The following SPON1 variants were observed in gnomAD, a reference collection of about 807,000 sequenced individuals.
The protein encoded by SPON1 is spondin 1.
Under a neutral mutation model 111.7 loss-of-function variants are expected in SPON1, and 52 were observed. The ratio of observed to expected loss-of-function variants is 0.47; its 90% CI spans 0.37 to 0.59. The LOEUF (loss-of-function observed/expected upper bound fraction) is 0.59. SPON1 is among the 20% of genes least tolerant of loss of function. SPON1 has a pLI of 0.00. For synonymous variants in SPON1, 410 were observed against 395.8 expected (o/e 1.04, Z -0.43); for missense variants, 957 against 1,068.5 (o/e 0.90, Z 1.46).
intron 1 of SPON1, among the ~76,000 whole-genome samples, chr11:13,967,741 T>C (rs576508187): frequency 6.6e-6 from 1 of 152,200 alleles, no homozygotes; most frequent in Non-Finnish European, 1.5e-5. Context: ...GATATTATAA[T>C]TAAGCCACCC....
intron 14 of SPON1, among the ~76,000 whole-genome samples, chr11:14,261,757 T>C (rs964916214): frequency 6.6e-6 from 1 of 152,026 alleles, no homozygotes; most frequent in Non-Finnish European, 1.5e-5. Context: ...TTAGAGTGCC[T>C]GGGGTCCACT....
chr11:14,195,635 T>C (rs1554934977), intron 6 of SPON1, among the ~76,000 whole-genome samples: 1 of 152,146 alleles, frequency 6.6e-6, no homozygotes, highest in Admixed American at 6.5e-5. Flanking sequence ...AAAAATAGTT[T>C]GCAGGTTTTA....
chr11:14,262,601 C>A (rs1554942001), intron 14 of SPON1, 111 bp from the exon 15 acceptor site: 6 of 1,384,574 alleles, frequency 4.3e-6, no homozygotes, highest in Non-Finnish European at 6.0e-6. Context: ...AATAGCATGA[C>A]ACAGCACCTG....
intron 6 of SPON1, among the ~76,000 whole-genome samples, chr11:14,204,739 C>T (rs782294346): frequency 2.6e-5 from 4 of 151,814 alleles, no homozygotes; most frequent in Non-Finnish European, 4.4e-5. Flanking sequence ...GGCTGCAGTG[C>T]AGTGGCGCAG....
chr11:14,262,687 C>G, intron 14 of SPON1, 25 bp from the exon 15 acceptor site: 2 of 1,613,744 alleles, frequency 1.2e-6, no homozygotes, highest in Non-Finnish European at 1.7e-6. Context: ...ATGTGATACA[C>G]TCATGCCCAT....
chr11:14,141,329 A>G (rs1243792845), intron 6 of SPON1, among the ~76,000 whole-genome samples: 2 of 152,214 alleles, frequency 1.3e-5, no homozygotes, highest in East Asian at 3.8e-4. Context: ...ATTTTCAGGT[A>G]TCCAGCTAAT....
At chr11:14,087,018 A>G (rs1224798862) in intron 5 of SPON1, among the ~76,000 whole-genome samples, 1 of 151,914 alleles carries the variant, frequency 6.6e-6, no homozygotes, top group Non-Finnish European at 1.5e-5. Context: ...TATTGTGTCT[A>G]TTTGATTCTT....
intron 6 of SPON1, among the ~76,000 whole-genome samples, chr11:14,229,916 C>A (rs7106953): frequency 0.52 from 79,053 of 150,768 alleles, 20,897 homozygotes; most frequent in East Asian, 0.65. Flanking sequence ...AGAGGCCAGC[C>A]TGTGTGTGTG....
intron 3 of SPON1, among the ~76,000 whole-genome samples, chr11:14,047,198 C>T (rs1848674954): frequency 6.6e-6 from 1 of 152,062 alleles, no homozygotes; most frequent in Non-Finnish European, 1.5e-5. Flanking sequence ...TATCTAGCAC[C>T]TCTAGTACAG....
intron 6 of SPON1, among the ~76,000 whole-genome samples, chr11:14,172,411 A>G (rs1848115710): frequency 6.6e-6 from 1 of 151,722 alleles, no homozygotes; most frequent in Admixed American, 6.6e-5. Context: ...GGGTTTCCTG[A>G]ATACAGCACA....
intron 5 of SPON1, among the ~76,000 whole-genome samples, chr11:14,120,419 C>T (rs1554926388): frequency 6.6e-6 from 1 of 151,464 alleles, no homozygotes; most frequent in African/African-American, 2.5e-5. Flanking sequence ...CCCTCACTGC[C>T]TTTTCAGCTT....
At chr11:14,203,192 G>A (rs1848482786) in intron 6 of SPON1, among the ~76,000 whole-genome samples, 2 of 152,178 alleles carry the variant, frequency 1.3e-5, no homozygotes, top group South Asian at 4.1e-4. Flanking sequence ...TGTTTTGTTT[G>A]ACACAGAAGC....
In SPON1 at chr11:14,169,211, G is replaced by A. The variant is rs528468898; in HGVS notation, c.825+33643G>A. Among the ~76,000 whole-genome samples, 3 of 152,284 alleles carry A rather than the reference G, an allele frequency of 2.0e-5. No homozygotes were observed. The East Asian group carries it at 5.8e-4, about 29-fold the overall frequency. On this transcript the variant is annotated intron_variant, in intron 6 of 15. Coordinates refer to ENST00000576479, the MANE Select transcript of SPON1 (RefSeq NM_006108.4). ...TTGCCATTCTAACTGGTGTGAGATG[G>A]TATCTCATTGTGGTTTTGATTTGCA...
chr11:14,033,319 C>T (rs1222426694), intron 2 of SPON1, among the ~76,000 whole-genome samples: 1 of 152,212 alleles, frequency 6.6e-6, no homozygotes, highest in Non-Finnish European at 1.5e-5. Context: ...ACTTTGGAAT[C>T]GTATTCTCCT....
intron 2 of SPON1, among the ~76,000 whole-genome samples, chr11:14,033,102 C>T (rs1192870751): frequency 6.6e-6 from 1 of 152,204 alleles, no homozygotes; most frequent in East Asian, 1.9e-4. Flanking sequence ...GTTTCTAAGA[C>T]TAGCCTCTCC....
intron 5 of SPON1, among the ~76,000 whole-genome samples, chr11:14,123,416 G>A (rs1847416449): frequency 1.3e-5 from 2 of 152,010 alleles, no homozygotes; most frequent in South Asian, 4.2e-4. Context: ...TTTACTCTAG[G>A]GCTAATGTAG....
chr11:14,232,895 A>G (rs1334130644), intron 6 of SPON1, among the ~76,000 whole-genome samples: 38 of 151,824 alleles, frequency 2.5e-4, no homozygotes, highest in Admixed American at 2.5e-3. Flanking sequence ...AGCACATGGC[A>G]GGGGGGGCAG....
chr11:14,177,261 C>T (rs28812768), intron 6 of SPON1, among the ~76,000 whole-genome samples: 2,525 of 152,182 alleles, frequency 0.017, 32 homozygotes, highest in Non-Finnish European at 0.027. Flanking sequence ...AGGATGGTCT[C>T]GATCTCCTGA....
intron 5 of SPON1, among the ~76,000 whole-genome samples, chr11:14,125,365 T>C (rs1462666167): frequency 3.9e-5 from 6 of 152,314 alleles, no homozygotes; most frequent in African/African-American, 1.4e-4. Context: ...TGGGTTAACC[T>C]TGGCTTTTTC....
Sources: gnomAD v4.1 joint callset for allele counts (sites outside exome capture counted in the v4.1 genomes callset) on GRCh38, gnomAD v4.1.1 for gene constraint, MANE v1.5 for transcripts, NCBI Gene and HGNC (gene_info 2026-07-23, HGNC 2026-07-21) for gene names.